The following L3MBTL4 variants were observed in gnomAD, a reference collection of about 807,000 sequenced individuals.
L3MBTL4 encodes the protein L3MBTL histone methyl-lysine binding protein 4.
Under a neutral mutation model 84.5 loss-of-function variants are expected in L3MBTL4, and 70 were observed. The observed-to-expected ratio is 0.83, with a 90% CI of 0.68 to 1.01. The LOEUF (loss-of-function observed/expected upper bound fraction) is 1.01, where lower values mean the gene tolerates loss of function less well. Among genes scored for constraint, L3MBTL4 ranks in the 50% least tolerant of loss-of-function variants. The probability of loss-of-function intolerance (pLI) is 0.00; values close to 1 mark genes in which losing one functional copy is unlikely to be tolerated. For synonymous variants in L3MBTL4, 274 were observed against 259.8 expected (o/e 1.05, Z -0.52); for missense variants, 715 against 754.8 (o/e 0.95, Z 0.62).
At chr18:6,295,456 GAAGAA>G (rs964745008) in intron 4 of L3MBTL4, among the ~76,000 whole-genome samples, 20 of 150,424 alleles carry the variant, frequency 1.3e-4, no homozygotes, top group African/African-American at 4.9e-4. Context: ...TTGACTCCAG[GAAGAA>G]AACAAACATG....
At chr18:5,978,259 A>G (rs16949147) in intron 16 of L3MBTL4, among the ~76,000 whole-genome samples, 8,159 of 152,276 alleles carry the variant, frequency 0.054, 402 homozygotes, top group South Asian at 0.2. Context: ...ATACACGAGC[A>G]GCAGATAGTC....
chr18:6,255,464 T>C (rs2048096504), intron 5 of L3MBTL4, among the ~76,000 whole-genome samples: 1 of 152,222 alleles, frequency 6.6e-6, no homozygotes, highest in African/African-American at 2.4e-5. Flanking sequence ...CACATCAGGA[T>C]GTATCTTCAA....
chr18:6,295,964 G>A (rs2050092921), intron 4 of L3MBTL4, among the ~76,000 whole-genome samples: 1 of 152,154 alleles, frequency 6.6e-6, no homozygotes, highest in Non-Finnish European at 1.5e-5. Context: ...AATAGGACTT[G>A]AATAAAGTAA....
At chr18:6,070,960 C>G (rs1337948003) in intron 16 of L3MBTL4, among the ~76,000 whole-genome samples, 1 of 151,880 alleles carries the variant, frequency 6.6e-6, no homozygotes, top group Non-Finnish European at 1.5e-5. Flanking sequence ...TATCTACTAA[C>G]AGAATATTAA....
At chr18:6,005,710 T>A (rs953115040) in intron 16 of L3MBTL4, among the ~76,000 whole-genome samples, 2 of 152,238 alleles carry the variant, frequency 1.3e-5, no homozygotes, top group Non-Finnish European at 2.9e-5. Flanking sequence ...GGTGTATATG[T>A]ACCACATCGT....
chr18:6,244,866 A>G (rs2047593152), intron 5 of L3MBTL4, among the ~76,000 whole-genome samples: 1 of 152,228 alleles, frequency 6.6e-6, no homozygotes, highest in Non-Finnish European at 1.5e-5. Flanking sequence ...TACATACAGC[A>G]TAACATCACT....
chr18:6,111,185 G>A (rs986553981), intron 14 of L3MBTL4, among the ~76,000 whole-genome samples: 1 of 152,170 alleles, frequency 6.6e-6, no homozygotes, highest in African/African-American at 2.4e-5. Flanking sequence ...TGCTGCAAAG[G>A]AGTGAAAATG....
chr18:6,320,979 G>A (rs1182075935), intron 1 of L3MBTL4, among the ~76,000 whole-genome samples: 1 of 152,046 alleles, frequency 6.6e-6, no homozygotes, highest in Non-Finnish European at 1.5e-5. Context: ...CATAACTGGG[G>A]AAGGGCCACC....
rs1260286687 is a variant in L3MBTL4, at chr18:5,969,470, T to G, written c.1537A>C (p.Arg513=). 10 of 1,613,934 alleles carry G rather than the reference T, an allele frequency of 6.2e-6. No homozygotes were observed. In the African/African-American group the frequency reaches 1.3e-4, roughly 22 times the overall value. The part of the protein sequence containing the change: ...AHPFRDLPLG[R]EQHCKLLPGV... Reference sequence around the variant, plus strand: ...GGAAGCAACTTGCAGTGTTGCTCCCTGCCGAGGGGAAGGTCCCGAAAAGGG... The same window carrying G: ...GGAAGCAACTTGCAGTGTTGCTCCCGGCCGAGGGGAAGGTCCCGAAAAGGG... The change falls in exon 17 of 19, where the codon AGG becomes CGG. Residue 513 remains arginine (R), a synonymous_variant. Transcript: ENST00000317931.
chr18:6,078,524 T>C (rs937529875), intron 16 of L3MBTL4, among the ~76,000 whole-genome samples: 2 of 141,986 alleles, frequency 1.4e-5, no homozygotes, highest in African/African-American at 5.4e-5. Flanking sequence ...AAAAATGAAA[T>C]AAAATATTAA....
At chr18:5,968,358 T>C (rs1199887858) in intron 17 of L3MBTL4, among the ~76,000 whole-genome samples, 1 of 152,204 alleles carries the variant, frequency 6.6e-6, no homozygotes. Context: ...GAAGCATTTC[T>C]ACAGCATTAT....
intron 13 of L3MBTL4, among the ~76,000 whole-genome samples, chr18:6,145,935 A>G (rs1323628736): frequency 6.6e-6 from 1 of 152,212 alleles, no homozygotes; most frequent in East Asian, 1.9e-4. Flanking sequence ...TTAGGCAGAT[A>G]CATGAAGTGG....
chr18:6,109,159 G>A (rs1175725335), intron 14 of L3MBTL4, among the ~76,000 whole-genome samples: 1 of 152,176 alleles, frequency 6.6e-6, no homozygotes, highest in African/African-American at 2.4e-5. Context: ...ATAACATGCA[G>A]TCTCTTTCTC....
intron 16 of L3MBTL4, chr18:6,030,229 G>A: frequency 2.2e-6 from 2 of 916,644 alleles, no homozygotes; most frequent in Non-Finnish European, 2.6e-6. Flanking sequence ...GGAAACTGAA[G>A]GCTGAGGATC....
chr18:6,196,406 C>G (rs996843515), intron 12 of L3MBTL4, among the ~76,000 whole-genome samples: 1 of 152,114 alleles, frequency 6.6e-6, no homozygotes, highest in Non-Finnish European at 1.5e-5. Context: ...ATCTGCCCAC[C>G]CTGGCCTCCC....
intron 16 of L3MBTL4, among the ~76,000 whole-genome samples, chr18:6,040,234 A>C (rs1489623949): frequency 6.6e-6 from 1 of 152,200 alleles, no homozygotes; most frequent in Non-Finnish European, 1.5e-5. Flanking sequence ...ATCACATTAA[A>C]GATTTCCTCT....
intron 14 of L3MBTL4, among the ~76,000 whole-genome samples, chr18:6,130,461 A>T (rs764415764): frequency 7.9e-5 from 12 of 152,156 alleles, no homozygotes; most frequent in South Asian, 2.1e-4. Context: ...ACTTCTGAGC[A>T]GTAAATGCTC....
intron 4 of L3MBTL4, among the ~76,000 whole-genome samples, chr18:6,294,471 A>C (rs2146737923): frequency 6.6e-6 from 1 of 152,342 alleles, no homozygotes; most frequent in East Asian, 1.9e-4. Flanking sequence ...TAAAAAATCA[A>C]GCATGTTAAT....
rs1302777563 is a variant in L3MBTL4, at chr18:6,378,593, T to G, written c.-91+36208A>C. ...AATAGGGAATCCTTTCCCCATTGCT[T>G]GTTTGTGTCAGGTTTGTCAAAGATC... On this transcript the variant is annotated intron_variant, in intron 1 of 18. Coordinates refer to ENST00000317931, the MANE Select transcript of L3MBTL4 (RefSeq NM_001330559.2). Among the ~76,000 whole-genome samples, 3 of 151,578 alleles carry G rather than the reference T, an allele frequency of 2.0e-5. No individual in the cohort carries two copies. The East Asian group carries it at 5.8e-4, about 29-fold the overall frequency.
Sources: gnomAD v4.1 joint callset for allele counts (sites outside exome capture counted in the v4.1 genomes callset) on GRCh38, gnomAD v4.1.1 for gene constraint, MANE v1.5 for transcripts, NCBI Gene and HGNC (gene_info 2026-07-23, HGNC 2026-07-21) for gene names.